DAG1: variants seen among roughly 807,000 people sequenced by gnomAD.
The protein encoded by DAG1 is dystroglycan 1 (dystrophin-associated glycoprotein 1).
Under a neutral mutation model 46.1 loss-of-function variants are expected in DAG1, and 8 were observed. The observed-to-expected ratio is 0.17, with a 90% confidence interval of 0.10 to 0.31. The LOEUF (loss-of-function observed/expected upper bound fraction) is 0.31, where lower values mean the gene tolerates loss of function less well. Among genes scored for constraint, DAG1 ranks in the 10% least tolerant of loss-of-function variants. The pLI is 1.00. For missense variants in DAG1, 1,003 were observed against 1,189.9 expected (o/e 0.84, Z 2.31); for synonymous variants, 495 against 481.8 (o/e 1.03, Z -0.36).
At chr3:49,520,064 C>T (rs960983105) in intron 2 of DAG1, among the ~76,000 whole-genome samples, 6 of 152,164 alleles carry the variant, frequency 3.9e-5, no homozygotes, top group Non-Finnish European at 7.3e-5. Context: ...AATGATGATC[C>T]CTTGTGGGTG....
chr3:49,474,283 T>C (rs2049613515), intron 1 of DAG1, among the ~76,000 whole-genome samples: 1 of 151,768 alleles, frequency 6.6e-6, no homozygotes, highest in East Asian at 2.0e-4. Context: ...CTCCATCTCC[T>C]GACCTTGTGG....
At chr3:49,474,179 C>T (rs539397610) in intron 1 of DAG1, among the ~76,000 whole-genome samples, 15 of 152,054 alleles carry the variant, frequency 9.9e-5, no homozygotes, top group Non-Finnish European at 1.5e-4. Flanking sequence ...CTTGCCCTCC[C>T]GAGTAGCTGG....
intron 2 of DAG1, among the ~76,000 whole-genome samples, chr3:49,516,865 C>G (rs1418156191): frequency 6.6e-6 from 1 of 151,420 alleles, no homozygotes; most frequent in Non-Finnish European, 1.5e-5. Context: ...TTCCTTGCTT[C>G]TTTGAGCCGT....
At position 49,525,559 on chromosome 3, in the gene DAG1, CTT is replaced by C. The variant is rs66961854; in HGVS notation, c.286-5223_286-5222del. ...GGAAGGCTGGGGGAGGTGCTACACA[CTT>C]TTTTTTTTTTTTTTGAGACGGAATC... On this transcript the variant is annotated intron_variant, in intron 2 of 2. Transcript: ENST00000308775. Among the ~76,000 whole-genome samples, 105 of 140,356 alleles carry C rather than the reference CTT, an allele frequency of 7.5e-4. 1 individual carries two copies. Among genetic ancestry groups the C allele is most frequent in the Admixed American group, 1.5e-3 (21 of 14,078 alleles). 92.1% of individuals were successfully genotyped at this position (140,356 alleles called of 152,430 possible).
At chr3:49,471,314 T>G (rs1174394635) in intron 1 of DAG1, among the ~76,000 whole-genome samples, 1 of 152,162 alleles carries the variant, frequency 6.6e-6, no homozygotes, top group Non-Finnish European at 1.5e-5. Flanking sequence ...GAAGGTGGTG[T>G]TTATAGGACA....
At chr3:49,469,041 G>C (rs1270528575), upstream of DAG1, 1 of 152,132 alleles carries the variant, frequency 6.6e-6, no homozygotes, top group African/African-American at 2.4e-5. Context: ...CTGAAGTATA[G>C]ATAATTGCAA....
chr3:49,477,958 A>G (rs1314439588), intron 1 of DAG1, among the ~76,000 whole-genome samples: 2 of 147,042 alleles, frequency 1.4e-5, no homozygotes, highest in South Asian at 2.2e-4. Flanking sequence ...GTGAAACTGC[A>G]TCTCAAAAAA....
chr3:49,531,415 A>G lies in DAG1; in HGVS notation c.904A>G (p.Lys302Glu), dbSNP rs1277211584. 6.2e-7 allele frequency: 1 copy of G among 1,613,990 alleles called. No individual in the cohort carries two copies. Among genetic ancestry groups the G allele is most frequent in the Non-Finnish European group, 8.5e-7 (1 of 1,179,982 alleles). Residue 302 changes from lysine (K) to glutamate (E), a missense_variant, in exon 3 of 3, where the codon AAG becomes GAG. Transcript: ENST00000308775. This position sits in a 1 kb window ranked among gnomAD's most constrained non-coding sequence, Gnocchi z 7.0. ...TGTGGTGGGTTGGCACATCGCCAATAAGAAGCCCCCTCTTCCCAAACGCGT... is the reference window on the plus strand; with the variant it reads ...TGTGGTGGGTTGGCACATCGCCAATGAGAAGCCCCCTCTTCCCAAACGCGT... Reference protein sequence around the residue: ...YPVVGWHIANKKPPLPKRVRR... With the variant: ...YPVVGWHIANEKPPLPKRVRR...
chr3:49,510,758 G>A lies in DAG1; in HGVS notation c.224G>A (p.Gly75Glu). The A allele has an allele frequency of 6.2e-7, 1 of 1,614,142 alleles. No homozygotes were observed. The highest frequency in any genetic ancestry group is 8.5e-7 in the Non-Finnish European group (1 of 1,180,030). ...ATTCCTGATGGCACGGCTGTCGTCG[G>A]GCGCTCATTTCGAGTGACCATTCCA... ...VGIPDGTAVV[G>E]RSFRVTIPTD... is the part of the protein sequence containing the mutation. The change falls in exon 2 of 3, where the codon GGG (glycine) becomes GAG (glutamate). Residue 75 changes from glycine (G) to glutamate (E), a missense_variant. By Grantham distance (98) the Gly-to-Glu change is moderately conservative. Coordinates refer to ENST00000308775, the MANE Select transcript of DAG1 (RefSeq NM_004393.6).
intron 1 of DAG1, among the ~76,000 whole-genome samples, chr3:49,498,802 G>A (rs1019589624): frequency 1.3e-5 from 2 of 151,526 alleles, no homozygotes; most frequent in African/African-American, 4.8e-5. Flanking sequence ...TCACCATCCT[G>A]GGTTCAAGCA....
intron 2 of DAG1, among the ~76,000 whole-genome samples, chr3:49,518,181 C>G (rs1168258747): frequency 6.6e-6 from 1 of 152,086 alleles, no homozygotes; most frequent in African/African-American, 2.4e-5. Flanking sequence ...GCTGAGTTGC[C>G]AAATGAAGAC....
intron 1 of DAG1, among the ~76,000 whole-genome samples, chr3:49,478,431 CAAAAAATAAAAA>C (rs2049753405): frequency 1.5e-5 from 1 of 64,898 alleles, no homozygotes; most frequent in Non-Finnish European, 2.8e-5. Flanking sequence ...CCTGTCTCTA[CAAAAAATAAAAA>C]AAAAAAAAAA....
chr3:49,489,716 C>T (rs1304300299), intron 1 of DAG1, among the ~76,000 whole-genome samples: 2 of 152,082 alleles, frequency 1.3e-5, no homozygotes, highest in African/African-American at 2.4e-5. Context: ...AAAACAAAAT[C>T]CTTTTTTTGT....
chr3:49,486,186 T>TTTTATTTATTTA (rs34143078), intron 1 of DAG1, among the ~76,000 whole-genome samples: 33 of 145,212 alleles, frequency 2.3e-4, no homozygotes, highest in Admixed American at 7.6e-4. Flanking sequence ...TTTCTTTTTC[T>TTTTATTTATTTA]TTTATTTATT....
chr3:49,496,719 C>T (rs1575366610), intron 1 of DAG1, among the ~76,000 whole-genome samples: 1 of 151,418 alleles, frequency 6.6e-6, no homozygotes, highest in South Asian at 2.1e-4. Context: ...CTCTACCTCC[C>T]AAGTTCAAGC....
At chr3:49,480,757 G>GTTTTTTTT (rs770596207) in intron 1 of DAG1, among the ~76,000 whole-genome samples, 3 of 113,090 alleles carry the variant, frequency 2.7e-5, no homozygotes, top group Non-Finnish European at 4.0e-5. Context: ...TCTGCATAAA[G>GTTTTTTTT]TTTTTTTTTT....
chr3:49,482,158 C>T (rs925444896), intron 1 of DAG1, among the ~76,000 whole-genome samples: 3 of 152,112 alleles, frequency 2.0e-5, no homozygotes, highest in Non-Finnish European at 2.9e-5. Flanking sequence ...TAAAAGTCAT[C>T]GCTATTCTCT....
intron 2 of DAG1, among the ~76,000 whole-genome samples, chr3:49,529,258 C>G (rs2051277840): frequency 6.6e-6 from 1 of 151,958 alleles, no homozygotes; most frequent in East Asian, 1.9e-4. Flanking sequence ...GTCTCTAATG[C>G]CTGCTGGCCT....
At chr3:49,486,376 G>T (rs1326828675) in intron 1 of DAG1, among the ~76,000 whole-genome samples, 1 of 151,618 alleles carries the variant, frequency 6.6e-6, no homozygotes, top group Non-Finnish European at 1.5e-5. Context: ...ATGCCACCAC[G>T]CCCGGCTAAT....
Sources: allele counts gnomAD v4.1 joint callset (sites outside exome capture counted in the v4.1 genomes callset), GRCh38; gene constraint gnomAD v4.1.1; non-coding constraint Gnocchi (gnomAD v3.1); transcripts MANE v1.5; gene names NCBI Gene and HGNC (gene_info 2026-07-23, HGNC 2026-07-21).